PYGB: variants seen among roughly 807,000 people sequenced by gnomAD.
PYGB encodes the protein glycogen phosphorylase, brain form.
PYGB carries 82 observed loss-of-function variants against 94.3 expected under a neutral mutation model. The ratio of observed to expected loss-of-function variants is 0.87; its 90% CI spans 0.73 to 1.04. PYGB has a LOEUF of 1.04. Among genes scored for constraint, PYGB ranks in the 50% least tolerant of loss-of-function variants. The pLI is 0.00. For synonymous variants in PYGB, 488 were observed against 479.1 expected (o/e 1.02, Z -0.24); for missense variants, 1,132 against 1,158.2 (o/e 0.98, Z 0.33).
At chr20:25,265,913 T>G (rs1268105092) in intron 2 of PYGB, among the ~76,000 whole-genome samples, 1 of 151,860 alleles carries the variant, frequency 6.6e-6, no homozygotes, top group African/African-American at 2.4e-5. Context: ...TTGTTGAATT[T>G]TAAGAATTCT....
At chr20:25,265,996 C>G (rs948476961) in intron 2 of PYGB, among the ~76,000 whole-genome samples, 1 of 151,976 alleles carries the variant, frequency 6.6e-6, no homozygotes, top group African/African-American at 2.4e-5. Flanking sequence ...TATGGCTTGT[C>G]TTTTTACTGT....
intron 3 of PYGB, 152 bp downstream of exon 3, chr20:25,269,359 G>C: frequency 6.7e-6 from 4 of 596,472 alleles, no homozygotes; most frequent in Non-Finnish European, 8.8e-6. Context: ...CTTGCCACTA[G>C]TGGGGGGAAA....
chr20:25,276,837 G>A (rs917587123), intron 6 of PYGB, 80 bp downstream of exon 6: 111 of 1,339,390 alleles, frequency 8.3e-5, no homozygotes, highest in East Asian at 5.7e-4. Context: ...CCTTTACCGC[G>A]CCCTGTGGCT....
chr20:25,282,822 C>T (rs986119510), intron 12 of PYGB, among the ~76,000 whole-genome samples: 4 of 152,292 alleles, frequency 2.6e-5, no homozygotes, highest in African/African-American at 9.6e-5. Flanking sequence ...CCGCCTGCTT[C>T]AGGCAGGGAA....
intron 5 of PYGB, among the ~76,000 whole-genome samples, chr20:25,275,200 C>T (rs1348703423): frequency 6.6e-6 from 1 of 152,260 alleles, no homozygotes; most frequent in African/African-American, 2.4e-5. Context: ...ACTGTCAGAG[C>T]CCCTGGAGTG....
At chr20:25,282,650 C>T (rs1196705665) in intron 12 of PYGB, among the ~76,000 whole-genome samples, 1 of 152,198 alleles carries the variant, frequency 6.6e-6, no homozygotes, top group Non-Finnish European at 1.5e-5. Context: ...GTGAGCAGTG[C>T]TCTGGGGCAA....
chr20:25,294,904 C>A, intron 18 of PYGB: 2 of 1,556,956 alleles, frequency 1.3e-6, no homozygotes, highest in Non-Finnish European at 1.8e-6. Flanking sequence ...CCTCCACTTT[C>A]AGCTGCCTTT....
chr20:25,291,340 C>T (rs1237467985), intron 16 of PYGB, among the ~76,000 whole-genome samples: 3 of 152,144 alleles, frequency 2.0e-5, no homozygotes, highest in African/African-American at 7.2e-5. Flanking sequence ...GGTGGGAGAT[C>T]TGAGCCTGGC....
At chr20:25,260,693 G>A (rs1270189514) in intron 2 of PYGB, among the ~76,000 whole-genome samples, 2 of 152,220 alleles carry the variant, frequency 1.3e-5, no homozygotes, top group African/African-American at 4.8e-5. Flanking sequence ...TGCCTCACCC[G>A]GGAAGCACAA....
chr20:25,260,626 G>A (rs6037070), intron 2 of PYGB, among the ~76,000 whole-genome samples: 9,885 of 152,186 alleles, frequency 0.065, 993 homozygotes, highest in African/African-American at 0.22. Context: ...GGGGCTTGTC[G>A]GACTGTGGGT....
intron 17 of PYGB, among the ~76,000 whole-genome samples, chr20:25,293,638 T>G (rs983465617): frequency 7.9e-5 from 12 of 152,280 alleles, no homozygotes; most frequent in East Asian, 1.9e-4. Context: ...TCACACAGCT[T>G]CTTCTGCCCG....
rs775853892 is a variant in PYGB at position 25,248,418 on chromosome 20, C to G, written c.240C>G (p.Pro80=). The change falls in exon 1 of 20, where the codon CCC becomes CCG. Residue 80 remains proline, a synonymous_variant. Transcript: ENST00000216962. The part of the protein sequence containing the change: ...RTQQHYYERD[P]KRIYYLSLEF... ...AGCAGCACTACTACGAGCGCGACCC[C>G]AAGGTGAGGCGCTGCCCCGCCCTGT... 2 of 1,518,540 alleles carry G rather than the reference C, an allele frequency of 1.3e-6. No homozygotes were observed. Among genetic ancestry groups the G allele is most frequent in the East Asian group, 5.4e-5 (2 of 36,842 alleles). The allele number at this position is 1,518,540 out of a possible 1,614,324, so 94.1% of individuals were successfully genotyped here.
In PYGB at chr20:25,269,539, A is replaced by G. The variant is rs535900082; in HGVS notation, c.424+332A>G. Among the ~76,000 whole-genome samples the G allele has an allele frequency of 2.0e-5, 3 of 152,308 alleles. No homozygotes were observed. In the South Asian group the frequency reaches 6.2e-4, roughly 32 times the overall value. On this transcript the variant is annotated intron_variant, in intron 3 of 19. Coordinates refer to ENST00000216962, the MANE Select transcript of PYGB (RefSeq NM_002862.4). ...AGACAGCCCAAAGGATGGAAAGATG[A>G]TTTCTGAACGTGGCCCTGCTTGCAG...
In PYGB at chr20:25,297,325, CCTTTT is replaced by C. The variant is rs1272886602; in HGVS notation, c.*807_*811del. On this transcript the variant is annotated 3_prime_UTR_variant, in exon 20 of 20. Coordinates refer to ENST00000216962, the MANE Select transcript of PYGB (RefSeq NM_002862.4). ...CACATGGAAATGAAACTAGCTGAAG[CCTTTT>C]CTTGTTTTAGCAACTGAAAATTGTA... The C allele has an allele frequency of 2.6e-5, 4 of 152,298 alleles. No homozygotes were observed. The highest frequency in any genetic ancestry group is 2.6e-4 in the Admixed American group (4 of 15,292). 9.4% of individuals were successfully genotyped at this position (152,298 alleles called of 1,614,324 possible).
intron 2 of PYGB, among the ~76,000 whole-genome samples, chr20:25,266,959 C>T (rs970755069): frequency 1.3e-5 from 2 of 152,196 alleles, no homozygotes; most frequent in African/African-American, 2.4e-5. Context: ...ATAGAATTCT[C>T]ATGTAGCCTA....
intron 13 of PYGB, 125 bp from the exon 14 acceptor site, chr20:25,283,979 C>T: frequency 1.7e-6 from 2 of 1,176,592 alleles, no homozygotes; most frequent in Non-Finnish European, 1.2e-6. Context: ...CCCTCAGCTC[C>T]AGCCTGTATA....
At chr20:25,261,539 G>A (rs906553442) in intron 2 of PYGB, among the ~76,000 whole-genome samples, 1 of 152,218 alleles carries the variant, frequency 6.6e-6, no homozygotes, top group African/African-American at 2.4e-5. Flanking sequence ...AGAAACCAGA[G>A]CAGAAAAGCT....
chr20:25,295,280 C>A (rs932801781), intron 18 of PYGB, among the ~76,000 whole-genome samples: 1 of 152,264 alleles, frequency 6.6e-6, no homozygotes, highest in African/African-American at 2.4e-5. Flanking sequence ...CCACTGTCTG[C>A]CCAGGAGGCC....
intron 2 of PYGB, among the ~76,000 whole-genome samples, chr20:25,263,262 CTG>C (rs2123530626): frequency 6.6e-6 from 1 of 152,322 alleles, no homozygotes; most frequent in African/African-American, 2.4e-5. Context: ...TTATAACAAA[CTG>C]TCTCTCAGAC....
Sources: gnomAD v4.1 joint callset for allele counts (sites outside exome capture counted in the v4.1 genomes callset) on GRCh38, gnomAD v4.1.1 for gene constraint, MANE v1.5 for transcripts, NCBI Gene and HGNC (gene_info 2026-07-23, HGNC 2026-07-21) for gene names.